ANKFN1: variants seen among roughly 807,000 people sequenced by gnomAD.
ANKFN1 encodes the protein ankyrin repeat and fibronectin type III domain containing 1.
ANKFN1 carries 74 observed loss-of-function variants against 108.7 expected under a neutral mutation model. The observed-to-expected ratio is 0.68, with a 90% CI of 0.56 to 0.83. The LOEUF (loss-of-function observed/expected upper bound fraction) is 0.83, where lower values mean the gene tolerates loss of function less well. ANKFN1 is among the 40% of genes least tolerant of loss of function. ANKFN1 has a pLI of 0.00. For synonymous variants in ANKFN1, 547 were observed against 516.2 expected, an observed-to-expected ratio of 1.06 and a Z score of -0.81; for missense variants, 1,505 against 1,382.3, an observed-to-expected ratio of 1.09 and a Z score of -1.41.
intron 6 of ANKFN1, among the ~76,000 whole-genome samples, chr17:56,370,947 T>TC (rs1211262956): frequency 2.4e-5 from 2 of 84,818 alleles, no homozygotes; most frequent in Non-Finnish European, 6.4e-5. Context: ...TGTGTGTATG[T>TC]GTTTTTTTTT....
chr17:56,165,509 C>A (rs971846651), intron 1 of ANKFN1, among the ~76,000 whole-genome samples: 2 of 152,096 alleles, frequency 1.3e-5, no homozygotes, highest in African/African-American at 4.8e-5. Context: ...TTCTACATAC[C>A]CAAATTTCTC....
At chr17:56,278,633 C>T (rs113677023) in intron 3 of ANKFN1, among the ~76,000 whole-genome samples, 1,777 of 152,286 alleles carry the variant, frequency 0.012, 17 homozygotes, top group South Asian at 0.035. Context: ...GCATCTTGCC[C>T]ATCACCAGTA....
intron 16 of ANKFN1, among the ~76,000 whole-genome samples, chr17:56,478,209 C>G (rs976270695): frequency 1.3e-5 from 2 of 152,212 alleles, no homozygotes; most frequent in Non-Finnish European, 2.9e-5. Flanking sequence ...GGATACTGTC[C>G]TTTCACATTC....
intron 19 of ANKFN1, 36 bp from the exon 20 acceptor site, chr17:56,498,846 T>G: frequency 6.7e-7 from 1 of 1,499,624 alleles, no homozygotes. Context: ...AATCACTGCT[T>G]GATAACTTAG....
intron 14 of ANKFN1, among the ~76,000 whole-genome samples, chr17:56,464,696 C>T (rs977858786): frequency 1.3e-5 from 2 of 152,126 alleles, no homozygotes; most frequent in African/African-American, 2.4e-5. Flanking sequence ...TACATTGCAT[C>T]GAGCTTGAGG....
chr17:56,352,764 G>A (rs2046278079), intron 5 of ANKFN1, among the ~76,000 whole-genome samples: 1 of 152,130 alleles, frequency 6.6e-6, no homozygotes, highest in African/African-American at 2.4e-5. Flanking sequence ...TCATCTCAGG[G>A]CTCAGAAACT....
chr17:56,417,619 T>G (rs2048281633), intron 8 of ANKFN1, among the ~76,000 whole-genome samples: 1 of 152,230 alleles, frequency 6.6e-6, no homozygotes, highest in African/African-American at 2.4e-5. Flanking sequence ...TCTGCCTTTT[T>G]TCTACCCATT....
intron 4 of ANKFN1, among the ~76,000 whole-genome samples, chr17:56,106,311 C>T (rs1271601318): frequency 6.6e-6 from 1 of 152,100 alleles, no homozygotes; most frequent in Non-Finnish European, 1.5e-5. Context: ...CCAGCTCTGC[C>T]CTTTCCTAGA....
intron 18 of ANKFN1, among the ~76,000 whole-genome samples, chr17:56,489,699 A>G (rs994708542): frequency 6.6e-6 from 1 of 152,012 alleles, no homozygotes; most frequent in African/African-American, 2.4e-5. Context: ...TTTTCCAGTC[A>G]TATTTTAGAA....
At chr17:56,188,944 TAATC>T (rs1912572962) in intron 1 of ANKFN1, among the ~76,000 whole-genome samples, 1 of 151,840 alleles carries the variant, frequency 6.6e-6, no homozygotes, top group Non-Finnish European at 1.5e-5. Context: ...GAGACAGAGT[TAATC>T]AATCCTGCCT....
chr17:56,231,090 T>C (rs530824491), intron 3 of ANKFN1, among the ~76,000 whole-genome samples: 1 of 152,262 alleles, frequency 6.6e-6, no homozygotes, highest in Non-Finnish European at 1.5e-5. Context: ...CAAAGACCTG[T>C]TCTCTTAATT....
At chr17:56,065,149 C>T (rs1027251918) in intron 4 of ANKFN1, among the ~76,000 whole-genome samples, 7 of 152,188 alleles carry the variant, frequency 4.6e-5, no homozygotes, top group Non-Finnish European at 1.0e-4. Context: ...GCTGCTGTTT[C>T]TAGTCGACCA....
At chr17:56,084,861 G>A (rs1049209544) in intron 4 of ANKFN1, among the ~76,000 whole-genome samples, 1 of 150,842 alleles carries the variant, frequency 6.6e-6, no homozygotes, top group African/African-American at 2.4e-5. Flanking sequence ...AGTTGAGTTT[G>A]GTCAAGTGTC....
chr17:56,047,813 C>T (rs139265578), intron 4 of ANKFN1, among the ~76,000 whole-genome samples: 1 of 152,304 alleles, frequency 6.6e-6, no homozygotes, highest in African/African-American at 2.4e-5. Flanking sequence ...TTCCATGACA[C>T]AGTGGTGTGC....
chr17:56,365,558 G>A lies in ANKFN1; in HGVS notation c.602-7088G>A, dbSNP rs540002227. ...AGGATCACCCATATGTAAGGGCAGCGCTTGAGCTATAGAACCCCAAAGCCC... is the reference window on the plus strand; with the variant it reads ...AGGATCACCCATATGTAAGGGCAGCACTTGAGCTATAGAACCCCAAAGCCC... On this transcript the variant is annotated intron_variant, in intron 6 of 20. Coordinates refer to ENST00000682825, the MANE Select transcript of ANKFN1 (RefSeq NM_001370326.1). Among the ~76,000 whole-genome samples the A allele has an allele frequency of 4.6e-5, 7 of 152,244 alleles. No homozygotes were observed. The South Asian group carries it at 6.2e-4, about 14-fold the overall frequency.
At chr17:56,243,464 A>G (rs1917732924) in intron 3 of ANKFN1, among the ~76,000 whole-genome samples, 1 of 152,176 alleles carries the variant, frequency 6.6e-6, no homozygotes, top group African/African-American at 2.4e-5. Flanking sequence ...TTCCTGGGCC[A>G]CAACTCAATA....
chr17:56,064,363 C>A (rs548883152), intron 4 of ANKFN1, among the ~76,000 whole-genome samples: 2 of 152,202 alleles, frequency 1.3e-5, no homozygotes, highest in South Asian at 4.1e-4. Flanking sequence ...GCGGAGACTG[C>A]GGCCACCACT....
At position 56,195,010 on chromosome 17, in the gene ANKFN1, A is replaced by G. The variant is rs1188340932; in HGVS notation, c.-70-17588A>G. Among the ~76,000 whole-genome samples, 17 of 152,216 alleles carry G rather than the reference A, an allele frequency of 1.1e-4. No individual in the cohort carries two copies. The East Asian group carries it at 2.7e-3, about 24-fold the overall frequency. On this transcript the variant is annotated intron_variant, in intron 1 of 20. Transcript: ENST00000682825. ...ACAACTGAAGATGTTTCATGAACGA[A>G]AGAGGGGAGAAGAAACAGAAGACAC...
At chr17:56,199,781 C>CA (rs1913880592) in intron 1 of ANKFN1, among the ~76,000 whole-genome samples, 1 of 152,084 alleles carries the variant, frequency 6.6e-6, no homozygotes, top group Non-Finnish European at 1.5e-5. Context: ...AAATGTGTCC[C>CA]ATGCAATCTT....
Sources: allele counts gnomAD v4.1 joint callset (sites outside exome capture counted in the v4.1 genomes callset), GRCh38; gene constraint gnomAD v4.1.1; transcripts MANE v1.5; gene names NCBI Gene and HGNC (gene_info 2026-07-23, HGNC 2026-07-21).